Variants in STK3 observed in about 807,000 individuals in gnomAD.
STK3 encodes the protein serine/threonine-protein kinase 3.
STK3 carries 41 observed loss-of-function variants against 58.0 expected under a neutral mutation model. The ratio of observed to expected loss-of-function variants is 0.71; its 90% CI spans 0.55 to 0.92. The LOEUF (loss-of-function observed/expected upper bound fraction) is 0.92. STK3 is among the 40% of genes least tolerant of loss of function. The pLI is 0.00. For synonymous variants in STK3, 170 were observed against 191.0 expected, an observed-to-expected ratio of 0.89 and a Z score of 0.91; for missense variants, 479 against 602.7, an observed-to-expected ratio of 0.79 and a Z score of 2.15.
intron 6 of STK3, among the ~76,000 whole-genome samples, chr8:98,651,937 A>G (rs1279416516): frequency 6.6e-6 from 1 of 152,122 alleles, no homozygotes; most frequent in African/African-American, 2.4e-5. Context: ...AACTTCCCCA[A>G]TCTAGCAAGG....
chr8:98,630,821 A>C (rs1819165807), intron 6 of STK3, among the ~76,000 whole-genome samples: 1 of 152,038 alleles, frequency 6.6e-6, no homozygotes, highest in Non-Finnish European at 1.5e-5. Flanking sequence ...AAGAAGAAGA[A>C]GAAAGAAAGA....
intron 9 of STK3, among the ~76,000 whole-genome samples, chr8:98,529,173 A>G (rs1434918684): frequency 6.6e-6 from 1 of 152,170 alleles, no homozygotes; most frequent in Non-Finnish European, 1.5e-5. Flanking sequence ...AAAAGAAAGC[A>G]TGTTAAGACT....
At chr8:98,838,967 T>C (rs1835853481) in intron 3 of STK3, among the ~76,000 whole-genome samples, 1 of 150,068 alleles carries the variant, frequency 6.7e-6, no homozygotes, top group Non-Finnish European at 1.5e-5. Flanking sequence ...TTCTTCTTTG[T>C]TTTTGTTTTG....
intron 1 of STK3, chr8:98,883,974 A>G (rs1837891288): frequency 2.1e-6 from 1 of 475,506 alleles, no homozygotes; most frequent in Non-Finnish European, 3.8e-6. Flanking sequence ...TAAGGGAGTC[A>G]TCCTGAGAAG....
At chr8:98,850,884 CAAG>C (rs1836441874) in intron 3 of STK3, among the ~76,000 whole-genome samples, 1 of 152,200 alleles carries the variant, frequency 6.6e-6, no homozygotes, top group Admixed American at 6.5e-5. Context: ...CCTTCAGAAT[CAAG>C]AAGATTGTCC....
intron 6 of STK3, among the ~76,000 whole-genome samples, chr8:98,637,724 AT>A (rs1176438371): frequency 1.3e-5 from 2 of 152,054 alleles, no homozygotes; most frequent in Admixed American, 6.6e-5. Context: ...TTTTTAACCA[AT>A]TTTTTTATGT....
At chr8:98,728,605 C>G (rs896877823) in intron 4 of STK3, among the ~76,000 whole-genome samples, 3 of 152,124 alleles carry the variant, frequency 2.0e-5, no homozygotes, top group African/African-American at 4.8e-5. Context: ...AAAATCCTTT[C>G]CCACATGAAA....
chr8:98,893,538 A>AAGAAAG (rs1305264288), intron 1 of STK3, among the ~76,000 whole-genome samples: 3 of 139,780 alleles, frequency 2.1e-5, no homozygotes, highest in African/African-American at 8.1e-5. Flanking sequence ...GAAAGAAAGA[A>AAGAAAG]AAAGAAAGAG....
intron 1 of STK3, among the ~76,000 whole-genome samples, chr8:98,890,580 C>G (rs1838159234): frequency 6.6e-6 from 1 of 152,160 alleles, no homozygotes; most frequent in Non-Finnish European, 1.5e-5. Context: ...ATTGTCTAGG[C>G]TTACCAATCA....
At position 98,469,958 on chromosome 8, in the gene STK3, T is replaced by C. The variant is rs979484794; in HGVS notation, c.1318-13958A>G. Among the ~76,000 whole-genome samples, 4 of 152,324 alleles carry C rather than the reference T, an allele frequency of 2.6e-5. No individual in the cohort carries two copies. In the South Asian group the frequency reaches 8.3e-4, roughly 32 times the overall value. On this transcript the variant is annotated intron_variant, in intron 10 of 10. Transcript: ENST00000419617. Reference sequence around the variant, plus strand: ...ATCCACTGGATAATTATTCTGAAACTGGTTTATATTCACATACAATATATG... The same window carrying C: ...ATCCACTGGATAATTATTCTGAAACCGGTTTATATTCACATACAATATATG...
chr8:98,835,715 T>C (rs915173966), intron 3 of STK3, among the ~76,000 whole-genome samples: 1 of 152,252 alleles, frequency 6.6e-6, no homozygotes, highest in Middle Eastern at 3.2e-3. Context: ...TCTGTCAGCA[T>C]GGCACTACAG....
chr8:98,450,705 G>A (rs977156185), downstream of STK3, among the ~76,000 whole-genome samples: 2 of 152,144 alleles, frequency 1.3e-5, no homozygotes, highest in East Asian at 1.9e-4. Flanking sequence ...AATCTTGTAC[G>A]ACTCATCTTG....
chr8:98,349,228 G>A, the STK3 span, among the ~76,000 whole-genome samples: 1 of 152,216 alleles, frequency 6.6e-6, no homozygotes, highest in East Asian at 1.9e-4. Context: ...AAAGATCAGT[G>A]GTCATCAGGG....
intron 3 of STK3, among the ~76,000 whole-genome samples, chr8:98,759,391 CACG>C (rs1379377565): frequency 6.6e-6 from 1 of 152,150 alleles, no homozygotes; most frequent in Non-Finnish European, 1.5e-5. Context: ...TCAGAACACA[CACG>C]ACATTTATCA....
chr8:98,566,791 T>G (rs1457188119), intron 8 of STK3, among the ~76,000 whole-genome samples: 1 of 152,108 alleles, frequency 6.6e-6, no homozygotes, highest in Non-Finnish European at 1.5e-5. Context: ...CTCACCATGC[T>G]GAAAAGACCT....
In STK3 at chr8:98,848,996, A is replaced by T. The variant is rs1226862733; in HGVS notation, c.110+34651T>A. On this transcript the variant is annotated intron_variant, in intron 3 of 12. Coordinates refer to the STK3 transcript ENST00000523601. ...AATCCTAGCACTTTGGGAGGCCGAG[A>T]CAGGCAGATCACGAGGTCAGGAGTT... is the stretch of plus-strand genomic sequence containing the variant. 2.0e-5 allele frequency among the ~76,000 whole-genome samples: 3 copies of T among 152,040 alleles called. No homozygotes were observed. In the East Asian group the frequency reaches 5.8e-4, roughly 29 times the overall value.
intron 8 of STK3, among the ~76,000 whole-genome samples, chr8:98,551,208 A>G (rs1275283141): frequency 6.6e-6 from 1 of 152,168 alleles, no homozygotes; most frequent in African/African-American, 2.4e-5. Flanking sequence ...TGGCTAATTC[A>G]GTCTTTGTTA....
At chr8:98,826,244 A>G (rs975622864), upstream of STK3, among the ~76,000 whole-genome samples, 2 of 152,196 alleles carry the variant, frequency 1.3e-5, no homozygotes, top group Non-Finnish European at 2.9e-5. Flanking sequence ...TTGAAGTATT[A>G]CTTTCTCACT....
Position 98,428,089 on chromosome 8 carries a change from G to A in STK3, n.483+6038C>T, listed in dbSNP as rs1184225176. 6.2e-7 allele frequency: 1 copy of A among 1,613,806 alleles called. No individual in the cohort carries two copies. Among genetic ancestry groups the A allele is most frequent in the East Asian group, 2.2e-5 (1 of 44,864 alleles). ...AGGCTGCGCTCGCACACGCTGCTGCGCTTCCCCGAGACGCGCCTGGGCCGC... is the reference window on the plus strand; with the variant it reads ...AGGCTGCGCTCGCACACGCTGCTGCACTTCCCCGAGACGCGCCTGGGCCGC... On this transcript the variant is annotated intron_variant and non_coding_transcript_variant, in intron 3 of 3. Coordinates refer to the STK3 transcript ENST00000517832. This position sits in a 1 kb window ranked among gnomAD's most constrained non-coding sequence, Gnocchi z 6.7.
Sources: allele counts gnomAD v4.1 joint callset (sites outside exome capture counted in the v4.1 genomes callset), GRCh38; gene constraint gnomAD v4.1.1; non-coding constraint Gnocchi (gnomAD v3.1); transcripts MANE v1.5; gene names NCBI Gene and HGNC (gene_info 2026-07-23, HGNC 2026-07-21).